Variants in ACSM2B observed in about 807,000 individuals in gnomAD.
ACSM2B encodes the protein acyl-CoA synthetase medium chain family member 2B.
Under a neutral mutation model 78.6 loss-of-function variants are expected in ACSM2B, and 58 were observed. That is an observed-to-expected ratio of 0.74 (90% CI 0.60 to 0.92). The LOEUF is 0.92. ACSM2B is among the 40% of genes least tolerant of loss of function. The pLI is 0.00. For missense variants in ACSM2B, 688 were observed against 711.2 expected (o/e 0.97, Z 0.37); for synonymous variants, 257 against 256.8 (o/e 1.00, Z -0.01).
At chr16:20,553,389 C>G (rs1215787229) in intron 5 of ACSM2B, among the ~76,000 whole-genome samples, 1 of 152,194 alleles carries the variant, frequency 6.6e-6, no homozygotes, top group Non-Finnish European at 1.5e-5. Flanking sequence ...TCTTCCACTT[C>G]AGTCAATTTG....
intron 1 of ACSM2B, among the ~76,000 whole-genome samples, chr16:20,567,835 C>T (rs2015974079): frequency 1.5e-5 from 2 of 136,606 alleles, no homozygotes; most frequent in African/African-American, 5.4e-5. Flanking sequence ...TAAAACTATA[C>T]TATTATATAA....
chr16:20,561,701 A>G (rs2015660235), intron 2 of ACSM2B, among the ~76,000 whole-genome samples: 1 of 149,818 alleles, frequency 6.7e-6, no homozygotes, highest in South Asian at 2.1e-4. Flanking sequence ...TTTTGGTTGG[A>G]TTTGCCTGAT....
At chr16:20,549,449 G>A (rs2015238465) in intron 6 of ACSM2B, among the ~76,000 whole-genome samples, 1 of 151,930 alleles carries the variant, frequency 6.6e-6, no homozygotes, top group African/African-American at 2.4e-5. Flanking sequence ...AGCAAAACTG[G>A]CTTTTGGTAT....
At chr16:20,538,758 A>C (rs901243957) in intron 13 of ACSM2B, among the ~76,000 whole-genome samples, 1 of 152,154 alleles carries the variant, frequency 6.6e-6, no homozygotes, top group Non-Finnish European at 1.5e-5. Context: ...CTCATTTTGC[A>C]AATAAGGAAA....
intron 9 of ACSM2B, 69 bp downstream of exon 9, chr16:20,546,325 T>A: frequency 6.5e-7 from 1 of 1,550,364 alleles, no homozygotes; most frequent in African/African-American, 1.4e-5. Context: ...CAATAAACAA[T>A]GGAAAACATA....
In ACSM2B at chr16:20,566,733, A is replaced by T. The variant is rs1303990757; in HGVS notation, c.-8-1880T>A. 5.3e-4 allele frequency among the ~76,000 whole-genome samples: 8 copies of T among 15,184 alleles called. 2 individuals carry two copies. In the South Asian group the frequency reaches 0.015, roughly 28 times the overall value. 10.0% of individuals were successfully genotyped at this position (15,184 alleles called of 152,430 possible). A position where few individuals can be genotyped will look rare whatever the true frequency, so the allele number is the denominator to read the frequency against. On this transcript the variant is annotated intron_variant, in intron 1 of 13. Coordinates refer to ENST00000329697, the MANE Select transcript of ACSM2B (RefSeq NM_001105069.2). ...AGTATATATAGTATATACTATATAT[A>T]GTATATACTATATATACTATATATA... is the stretch of plus-strand genomic sequence containing the variant.
rs751327335 is a variant in ACSM2B at position 20,555,496 on chromosome 16, A to G, written c.389-20T>C. On this transcript the variant is annotated intron_variant, in intron 3 of 13. Coordinates refer to ENST00000329697, the MANE Select transcript of ACSM2B (RefSeq NM_001105069.2). Reference sequence around the variant, plus strand: ...TGAGACCTAAAGAAGCCAACAATTTAGAGAATTGGAAAGGATGGTTTTCTT... The same window carrying G: ...TGAGACCTAAAGAAGCCAACAATTTGGAGAATTGGAAAGGATGGTTTTCTT... 6.2e-7 allele frequency: 1 copy of G among 1,611,146 alleles called. No homozygotes were observed. Among genetic ancestry groups the G allele is most frequent in the Non-Finnish European group, 8.5e-7 (1 of 1,177,810 alleles).
At chr16:20,562,090 T>A (rs988033429) in intron 2 of ACSM2B, among the ~76,000 whole-genome samples, 16 of 152,242 alleles carry the variant, frequency 1.1e-4, no homozygotes, top group African/African-American at 3.9e-4. Context: ...AACATGAGTG[T>A]ACACATATTT....
At chr16:20,549,083 C>G (rs931376044) in intron 6 of ACSM2B, among the ~76,000 whole-genome samples, 3 of 152,074 alleles carry the variant, frequency 2.0e-5, no homozygotes, top group African/African-American at 7.3e-5. Context: ...CCTCATGATA[C>G]AGAGGGGAAA....
chr16:20,558,540 T>C (rs532591333), intron 3 of ACSM2B, among the ~76,000 whole-genome samples: 41 of 152,056 alleles, frequency 2.7e-4, no homozygotes, highest in Non-Finnish European at 5.1e-4. Context: ...GATAATTACA[T>C]CTTCACATAT....
At position 20,559,397 on chromosome 16, in the gene ACSM2B, C is replaced by G. The variant is rs1281637642; in HGVS notation, c.228G>C (p.Gly76=). ...SPALWWVNGK[G]KELMWNFREL... Reference sequence around the variant, plus strand: ...CTCTGAAATTCCACATTAATTCCTTCCCCTTCCCATTCACCCACCACAGGG... The same window carrying G: ...CTCTGAAATTCCACATTAATTCCTTGCCCTTCCCATTCACCCACCACAGGG... The change falls in exon 3 of 14, where the codon GGG becomes GGC. Residue 76 remains glycine, a synonymous_variant. Transcript: ENST00000329697. The G allele has an allele frequency of 4.3e-6, 7 of 1,612,948 alleles. No homozygotes were observed. Among genetic ancestry groups the G allele is most frequent in the Non-Finnish European group, 5.9e-6 (7 of 1,179,546 alleles).
intron 3 of ACSM2B, among the ~76,000 whole-genome samples, chr16:20,558,783 T>G (rs2015551915): frequency 2.0e-5 from 3 of 152,234 alleles, no homozygotes; most frequent in Admixed American, 6.5e-5. Context: ...AAGTTGCCAC[T>G]GCAGTGCAAA....
At chr16:20,572,383 A>AG (rs2016114572) in intron 1 of ACSM2B, among the ~76,000 whole-genome samples, 1 of 140,748 alleles carries the variant, frequency 7.1e-6, no homozygotes, top group Non-Finnish European at 1.5e-5. Flanking sequence ...TTTGTTTTTA[A>AG]GGAGTGTGAA....
At chr16:20,573,214 T>A (rs2016142608) in intron 1 of ACSM2B, among the ~76,000 whole-genome samples, 1 of 151,902 alleles carries the variant, frequency 6.6e-6, no homozygotes, top group Non-Finnish European at 1.5e-5. Context: ...AGGGAAGATC[T>A]GGGGCTCAAG....
chr16:20,545,005 T>C (rs2015093270), intron 10 of ACSM2B, 152 bp downstream of exon 10: 17 of 1,173,498 alleles, frequency 1.4e-5, no homozygotes, highest in Non-Finnish European at 1.8e-5. Context: ...CCACTTTTCT[T>C]CCACTGGCAA....
Position 20,537,200 on chromosome 16 carries a change from C to A in ACSM2B, c.*58G>T. Reference sequence around the variant, plus strand: ...ATATCATCATAGTAAGGCCAAGGGCCCAAAGGGAAAAGAAAGAGAAAGAAG... The same window carrying A: ...ATATCATCATAGTAAGGCCAAGGGCACAAAGGGAAAAGAAAGAGAAAGAAG... On this transcript the variant is annotated 3_prime_UTR_variant, in exon 14 of 14. Transcript: ENST00000329697. 2 of 1,596,646 alleles carry A rather than the reference C, an allele frequency of 1.3e-6. No individual in the cohort carries two copies. Among genetic ancestry groups the A allele is most frequent in the Non-Finnish European group, 1.7e-6 (2 of 1,165,196 alleles).
At chr16:20,551,585 T>G (rs1220891765) in intron 6 of ACSM2B, among the ~76,000 whole-genome samples, 1 of 152,086 alleles carries the variant, frequency 6.6e-6, no homozygotes, top group South Asian at 2.1e-4. Context: ...GAAGTAAATG[T>G]CTGTTATTTA....
In ACSM2B at chr16:20,559,333, A is replaced by C. The variant is rs553128923; in HGVS notation, c.292T>G (p.Ser98Ala). 79 of 1,608,996 alleles carry C rather than the reference A, an allele frequency of 4.9e-5. 1 individual carries two copies. In the East Asian group the frequency reaches 1.5e-3, roughly 31 times the overall value. The change falls in exon 3 of 14, where the codon TCG becomes GCG. Residue 98 changes from serine (S) to alanine (A), a missense_variant. Coordinates refer to ENST00000329697, the MANE Select transcript of ACSM2B (RefSeq NM_001105069.2). Reference protein sequence around the residue: ...ENSQQAANILSGACGLQRGDR... With the variant: ...ENSQQAANILAGACGLQRGDR... ...CCACGCTGCAGGCCACAGGCTCCCG[A>C]GAGGATGTTGGCTGCCTGCTGGCTG...
chr16:20,549,654 T>G (rs776844710), intron 6 of ACSM2B: 78 of 347,288 alleles, frequency 2.2e-4, no homozygotes, highest in Middle Eastern at 1.0e-3. Flanking sequence ...TGAGTAACCA[T>G]GGCCATGACA....
Sources: allele counts gnomAD v4.1 joint callset (sites outside exome capture counted in the v4.1 genomes callset), GRCh38; gene constraint gnomAD v4.1.1; transcripts MANE v1.5; gene names NCBI Gene and HGNC (gene_info 2026-07-23, HGNC 2026-07-21).